Variants in FNBP1 observed in about 807,000 individuals in gnomAD.
The protein encoded by FNBP1 is formin binding protein 1.
In FNBP1, 26 loss-of-function variants were observed where a neutral mutation model predicts 90.6. That is an observed-to-expected ratio of 0.29 (90% CI 0.21 to 0.40). The LOEUF (loss-of-function observed/expected upper bound fraction) is 0.40. Ranked by LOEUF, FNBP1 falls within the 10% of genes least tolerant of loss-of-function variation. The pLI, the probability that FNBP1 is intolerant of heterozygous loss-of-function variation, is 1.00. For synonymous variants in FNBP1, 260 were observed against 265.2 expected (o/e 0.98, Z 0.19); for missense variants, 635 against 768.0 (o/e 0.83, Z 2.05).
intron 11 of FNBP1, among the ~76,000 whole-genome samples, chr9:129,914,358 C>T (rs2131655391): frequency 6.6e-6 from 1 of 152,040 alleles, no homozygotes. Context: ...TTCTTTGTTG[C>T]CTTCAAGGTA....
At chr9:129,939,390 G>GA (rs35702684) in intron 6 of FNBP1, among the ~76,000 whole-genome samples, 13,153 of 145,704 alleles carry the variant, frequency 0.09, 715 homozygotes, top group African/African-American at 0.16. Context: ...CCTCCGTCCC[G>GA]AAAAATAAAA....
chr9:130,049,852 G>T, the FNBP1 span, among the ~76,000 whole-genome samples: 1 of 151,948 alleles, frequency 6.6e-6, no homozygotes, highest in Non-Finnish European at 1.5e-5. Context: ...AATCCTTTCA[G>T]CATTTTCTTT....
At position 129,888,747 on chromosome 9, in the gene FNBP1, G is replaced by C. The variant is rs542424782; in HGVS notation, c.*1792C>G. 4 of 233,300 alleles carry C rather than the reference G, an allele frequency of 1.7e-5. No individual in the cohort carries two copies. The South Asian group carries it at 7.2e-4, about 42-fold the overall frequency. The allele number at this position is 233,300 out of a possible 1,614,324, so 14.5% of individuals were successfully genotyped here. A position where few individuals can be genotyped will look rare whatever the true frequency, so the allele number is the denominator to read the frequency against. Reference sequence around the variant, plus strand: ...CCCCGAGGGCTGACTGAGCTGCTCCGGAAGGGTGGTGTGTGGTCAACCTTG... The same window carrying C: ...CCCCGAGGGCTGACTGAGCTGCTCCCGAAGGGTGGTGTGTGGTCAACCTTG... On this transcript the variant is annotated 3_prime_UTR_variant, in exon 17 of 17. Coordinates refer to ENST00000446176, the MANE Select transcript of FNBP1 (RefSeq NM_015033.3).
At chr9:129,965,042 A>G (rs186284228) in intron 4 of FNBP1, among the ~76,000 whole-genome samples, 6 of 152,312 alleles carry the variant, frequency 3.9e-5, no homozygotes, top group African/African-American at 1.4e-4. Context: ...TGTTTCCTCT[A>G]AACTCACAGC....
the FNBP1 span, among the ~76,000 whole-genome samples, chr9:130,049,560 A>G: frequency 1.3e-5 from 2 of 151,866 alleles, no homozygotes; most frequent in African/African-American, 2.4e-5. Context: ...AAAAAATACA[A>G]AAATTAGCCC....
chr9:129,965,384 C>T (rs549158862), intron 4 of FNBP1, among the ~76,000 whole-genome samples: 45 of 152,286 alleles, frequency 3.0e-4, no homozygotes, highest in African/African-American at 1.0e-3. Flanking sequence ...TGACTTTACC[C>T]GTAACACTGA....
chr9:129,930,161 A>C (rs1451784079), intron 6 of FNBP1, among the ~76,000 whole-genome samples: 3 of 151,994 alleles, frequency 2.0e-5, no homozygotes, highest in Admixed American at 6.6e-5. Flanking sequence ...CCTGGGTTCA[A>C]GCAATCCTCT....
rs2036718091 is a variant in FNBP1 at position 129,900,531 on chromosome 9, A to C, written c.1445T>G (p.Val482Gly). The change falls in exon 14 of 17, where the codon GTT (valine) becomes GGT (glycine). Residue 482 changes from valine to glycine, a missense_variant. Coordinates refer to ENST00000446176, the MANE Select transcript of FNBP1 (RefSeq NM_015033.3). The surrounding 1 kb of genome is among the most constrained non-coding windows in gnomAD (Gnocchi z 4.1). Reference sequence around the variant, plus strand: ...GCTGCGTGCTGGGAGCCGGCCTTCAACCTCAGCCAGCCAGGCCTGGAGACA... The same window carrying C: ...GCTGCGTGCTGGGAGCCGGCCTTCACCCTCAGCCAGCCAGGCCTGGAGACA... ...TQKFEAWLAE[V>G]EGRLPARSEQ... 2 of 1,574,632 alleles carry C rather than the reference A, an allele frequency of 1.3e-6. No individual in the cohort carries two copies. The highest frequency in any genetic ancestry group is 2.7e-5 in the African/African-American group (2 of 72,942).
At chr9:129,910,779 GCCACGCAAAGA>G (rs1423136947) in intron 11 of FNBP1, among the ~76,000 whole-genome samples, 4 of 151,946 alleles carry the variant, frequency 2.6e-5, no homozygotes, top group Non-Finnish European at 5.9e-5. Flanking sequence ...ACCACAAAAG[GCCACGCAAAGA>G]CCTTTCAGCT....
chr9:130,025,453 T>C (rs959386749), intron 1 of FNBP1, among the ~76,000 whole-genome samples: 8 of 152,124 alleles, frequency 5.3e-5, no homozygotes, highest in African/African-American at 1.9e-4. Flanking sequence ...TCATTATGAA[T>C]CAGTACTCCT....
chr9:129,965,329 C>G (rs560432206), intron 4 of FNBP1, among the ~76,000 whole-genome samples: 1 of 152,148 alleles, frequency 6.6e-6, no homozygotes, highest in African/African-American at 2.4e-5. Flanking sequence ...TGAACGTGTT[C>G]GAAGTTTTCT....
intron 1 of FNBP1, among the ~76,000 whole-genome samples, chr9:130,025,057 G>A (rs1195104155): frequency 6.6e-6 from 1 of 152,006 alleles, no homozygotes; most frequent in Non-Finnish European, 1.5e-5. Context: ...GTGCACACCT[G>A]TAATCCCAGC....
At chr9:129,973,819 T>A (rs1427465781) in intron 4 of FNBP1, among the ~76,000 whole-genome samples, 2 of 145,238 alleles carry the variant, frequency 1.4e-5, no homozygotes, top group Non-Finnish European at 3.0e-5. Flanking sequence ...TTTTTTTTCT[T>A]TTTTTTTTTG....
chr9:129,977,856 T>C (rs2050585008), intron 4 of FNBP1, among the ~76,000 whole-genome samples: 1 of 151,990 alleles, frequency 6.6e-6, no homozygotes, highest in African/African-American at 2.4e-5. Context: ...TACTTACTTG[T>C]TTTTTAAATG....
intron 4 of FNBP1, among the ~76,000 whole-genome samples, chr9:129,963,762 G>A (rs1402152592): frequency 1.3e-5 from 2 of 151,838 alleles, no homozygotes; most frequent in African/African-American, 2.4e-5. Context: ...CTACAGGCAT[G>A]CGCCACCACG....
At chr9:129,973,009 G>T (rs2049727015) in intron 4 of FNBP1, among the ~76,000 whole-genome samples, 2 of 152,298 alleles carry the variant, frequency 1.3e-5, no homozygotes, top group South Asian at 4.1e-4. Context: ...GCTATAATCA[G>T]CCTCAGCTTA....
intron 6 of FNBP1, among the ~76,000 whole-genome samples, chr9:129,932,691 T>C (rs930301489): frequency 6.6e-6 from 1 of 152,164 alleles, no homozygotes; most frequent in African/African-American, 2.4e-5. Flanking sequence ...TTCTTCCTCT[T>C]TGTTGGTGGC....
intron 11 of FNBP1, among the ~76,000 whole-genome samples, chr9:129,910,406 C>T (rs567115354): frequency 5.1e-5 from 7 of 138,252 alleles, no homozygotes; most frequent in African/African-American, 1.6e-4. Flanking sequence ...TGCTTGAACC[C>T]GGGAAGCGGA....
chr9:130,004,892 CCT>C (rs1463075100), intron 1 of FNBP1, among the ~76,000 whole-genome samples: 31 of 152,000 alleles, frequency 2.0e-4, no homozygotes, highest in Admixed American at 2.0e-3. Context: ...ATGGTGAAAC[CCT>C]GTCTCTACTA....
Sources: allele counts gnomAD v4.1 joint callset (sites outside exome capture counted in the v4.1 genomes callset), GRCh38; gene constraint gnomAD v4.1.1; non-coding constraint Gnocchi (gnomAD v3.1); transcripts MANE v1.5; gene names NCBI Gene and HGNC (gene_info 2026-07-23, HGNC 2026-07-21).